The following MALRD1 variants were observed in gnomAD, a reference collection of about 807,000 sequenced individuals.
The protein encoded by MALRD1 is MAM and LDL-receptor class A domain-containing protein 1.
In MALRD1, 247 loss-of-function variants were observed where a neutral mutation model predicts 242.1. The ratio of observed to expected loss-of-function variants is 1.02; its 90% CI spans 0.92 to 1.13. MALRD1 has a LOEUF of 1.13. MALRD1 is among the 50% of genes most tolerant of loss of function. The pLI is 0.00. For synonymous variants in MALRD1, 995 were observed against 866.6 expected (o/e 1.15, Z -2.60); for missense variants, 2,989 against 2,533.1 (o/e 1.18, Z -3.86).
At chr10:19,284,350 A>T (rs1168225477) in intron 21 of MALRD1, among the ~76,000 whole-genome samples, 2 of 147,708 alleles carry the variant, frequency 1.4e-5, no homozygotes, top group Admixed American at 1.4e-4. Context: ...CGCTGCACCC[A>T]CTAACTCGTC....
intron 18 of MALRD1, among the ~76,000 whole-genome samples, chr10:19,244,438 G>C (rs1464052636): frequency 6.6e-6 from 1 of 152,010 alleles, no homozygotes; most frequent in Admixed American, 6.6e-5. Context: ...GGATATGGTG[G>C]CACATGCCTG....
At chr10:19,128,454 G>T (rs1013772745) in intron 8 of MALRD1, 67 bp downstream of exon 8, 15 of 1,104,706 alleles carry the variant, frequency 1.4e-5, no homozygotes, top group Non-Finnish European at 1.7e-5. Flanking sequence ...TTGGCAACTT[G>T]TGTTTCGATT....
At chr10:19,366,909 T>C (rs1845134603) in intron 26 of MALRD1, among the ~76,000 whole-genome samples, 1 of 152,174 alleles carries the variant, frequency 6.6e-6, no homozygotes, top group South Asian at 2.1e-4. Flanking sequence ...GTATTTGGTT[T>C]GTCAGTGTCT....
intron 18 of MALRD1, among the ~76,000 whole-genome samples, chr10:19,254,486 C>T (rs1839421531): frequency 6.6e-6 from 1 of 151,908 alleles, no homozygotes; most frequent in East Asian, 1.9e-4. Context: ...TGTGCATTGC[C>T]ATGTCATATA....
chr10:19,599,617 A>G (rs1838258624), intron 34 of MALRD1, among the ~76,000 whole-genome samples: 1 of 152,202 alleles, frequency 6.6e-6, no homozygotes, highest in Admixed American at 6.5e-5. Context: ...GGCAAGAAAT[A>G]GTTATTGATA....
At chr10:19,058,783 T>G (rs1425647550) in intron 1 of MALRD1, among the ~76,000 whole-genome samples, 1 of 151,972 alleles carries the variant, frequency 6.6e-6, no homozygotes, top group Non-Finnish European at 1.5e-5. Context: ...CACTATTAAT[T>G]GTAAATCCCA....
At chr10:19,505,080 A>G (rs1049805195) in intron 31 of MALRD1, among the ~76,000 whole-genome samples, 1 of 152,156 alleles carries the variant, frequency 6.6e-6, no homozygotes, top group Admixed American at 6.5e-5. Flanking sequence ...GGGCAGAAAA[A>G]GAAGGAGAAA....
chr10:19,511,575 CCTACTGTTAG>C (rs1833401584), intron 31 of MALRD1, among the ~76,000 whole-genome samples: 1 of 152,096 alleles, frequency 6.6e-6, no homozygotes, highest in East Asian at 1.9e-4. Context: ...ATATGTTTTG[CCTACTGTTAG>C]CTTTAAACAA....
At chr10:19,341,045 C>T (rs766382515) in intron 24 of MALRD1, among the ~76,000 whole-genome samples, 20 of 152,046 alleles carry the variant, frequency 1.3e-4, no homozygotes, top group Non-Finnish European at 2.8e-4. Flanking sequence ...AGTTCCTTGT[C>T]AACATAAGCA....
At chr10:19,520,531 C>T (rs1339713736) in intron 31 of MALRD1, among the ~76,000 whole-genome samples, 1 of 152,150 alleles carries the variant, frequency 6.6e-6, no homozygotes, top group Non-Finnish European at 1.5e-5. Flanking sequence ...ATCCAGGTGA[C>T]TTTGTTGGCT....
At position 19,347,875 on chromosome 10, in the gene MALRD1, G is replaced by A; in HGVS notation, c.4006G>A (p.Ala1336Thr). 6.4e-7 allele frequency: 1 copy of A among 1,550,402 alleles called. No individual in the cohort carries two copies. The highest frequency in any genetic ancestry group is 8.7e-7 in the Non-Finnish European group (1 of 1,146,842). ...WNLKASSIPAAGTEPAADHTL... is the reference protein window; with the variant it reads ...WNLKASSIPATGTEPAADHTL... ...CCTGAAAGCTAGCAGCATCCCTGCA[G>A]CAGGCACAGAGCCAGCAGCAGATCA... The change falls in exon 25 of 40, where the codon GCA (alanine) becomes ACA (threonine). Residue 1336 changes from alanine to threonine, a missense_variant. Transcript: ENST00000454679.
intron 1 of MALRD1, among the ~76,000 whole-genome samples, chr10:19,065,849 C>A (rs532463943): frequency 6.6e-6 from 1 of 152,146 alleles, no homozygotes; most frequent in Non-Finnish European, 1.5e-5. Context: ...TATTTAATTT[C>A]AGGAGTACGT....
Position 19,387,709 on chromosome 10 carries a change from T to C in MALRD1, c.4623T>C (p.Val1541=). 1 of 1,550,380 alleles carries C rather than the reference T, an allele frequency of 6.5e-7. No individual in the cohort carries two copies. Among genetic ancestry groups the C allele is most frequent in the Non-Finnish European group, 8.7e-7 (1 of 1,146,856 alleles). The change falls in exon 27 of 40, where the codon GTT becomes GTC. Residue 1541 remains valine (V), a synonymous_variant. Coordinates refer to ENST00000454679, the MANE Select transcript of MALRD1 (RefSeq NM_001142308.3). The stretch of plus-strand genomic sequence containing the variant: ...CCCAGGCTGACAACTTTGATTGGGT[T>C]TTAGGGGTTGGCTCTCATCAAAGCT... The part of the protein sequence containing the change: ...QNSQADNFDW[V]LGVGSHQSLR...
intron 28 of MALRD1, among the ~76,000 whole-genome samples, chr10:19,443,216 C>T (rs949354901): frequency 6.6e-6 from 1 of 151,968 alleles, no homozygotes; most frequent in African/African-American, 2.4e-5. Context: ...CTCTTTTCTT[C>T]TTTATTAGTC....
chr10:19,574,925 C>T (rs1429951511), intron 33 of MALRD1, among the ~76,000 whole-genome samples: 8 of 151,992 alleles, frequency 5.3e-5, no homozygotes, highest in South Asian at 4.1e-4. Context: ...CACTACTGGG[C>T]GTGTCTTTGA....
At chr10:19,273,783 A>G (rs542718428) in intron 19 of MALRD1, among the ~76,000 whole-genome samples, 25 of 152,284 alleles carry the variant, frequency 1.6e-4, no homozygotes, top group Admixed American at 1.6e-3. Flanking sequence ...TCTGCATGAT[A>G]CTGTAATTGC....
intron 18 of MALRD1, among the ~76,000 whole-genome samples, chr10:19,256,257 G>A (rs573294410): frequency 5.5e-4 from 83 of 152,126 alleles, no homozygotes; most frequent in African/African-American, 1.8e-3. Context: ...ACATTAACTG[G>A]TGATTAATTC....
intron 2 of MALRD1, among the ~76,000 whole-genome samples, chr10:19,085,329 A>G (rs1282534623): frequency 2.6e-5 from 4 of 151,988 alleles, no homozygotes; most frequent in African/African-American, 9.7e-5. Flanking sequence ...TCTCTAGGGA[A>G]CATCTCCATC....
chr10:19,185,845 T>G (rs1338958765), intron 14 of MALRD1, among the ~76,000 whole-genome samples: 1 of 105,744 alleles, frequency 9.5e-6, no homozygotes, highest in Non-Finnish European at 2.2e-5. Flanking sequence ...GTGTGTGTGT[T>G]AGTCTTTGAA....
Sources: allele counts gnomAD v4.1 joint callset (sites outside exome capture counted in the v4.1 genomes callset), GRCh38; gene constraint gnomAD v4.1.1; transcripts MANE v1.5; gene names NCBI Gene and HGNC (gene_info 2026-07-23, HGNC 2026-07-21).